RBSN: variants seen among roughly 807,000 people sequenced by gnomAD.
RBSN encodes rabenosyn, RAB effector.
In RBSN, 34 loss-of-function variants were observed where a neutral mutation model predicts 60.5. The ratio of observed to expected loss-of-function variants is 0.56; its 90% confidence interval spans 0.43 to 0.75. The LOEUF is 0.75. RBSN is among the 30% of genes least tolerant of loss of function. The pLI is 0.00. For missense variants in RBSN, 845 were observed against 986.8 expected (o/e 0.86, Z 1.92); for synonymous variants, 322 against 366.9 (o/e 0.88, Z 1.40).
intron 13 of RBSN, 176 bp from the exon 14 acceptor site, chr3:15,075,106 G>A: frequency 1.4e-6 from 1 of 736,424 alleles, no homozygotes; most frequent in African/African-American, 1.8e-5. Flanking sequence ...TATGTGGGCG[G>A]AAGGGAGACC....
At position 15,075,588 on chromosome 3, in the gene RBSN, A is replaced by G. The variant is rs1164481982; in HGVS notation, c.1206+18T>C. ...AGCCACAGGAGGAAGCAGGCCCCAT[A>G]TCCCTGGCTTCACTCACTTGTCTCT... On this transcript the variant is annotated intron_variant, in intron 13 of 13. Transcript: ENST00000253699. 2 of 1,605,308 alleles carry G rather than the reference A, an allele frequency of 1.2e-6. No homozygotes were observed.
intron 5 of RBSN, among the ~76,000 whole-genome samples, chr3:15,086,821 G>A (rs2043355526): frequency 6.6e-6 from 1 of 152,170 alleles, no homozygotes; most frequent in South Asian, 2.1e-4. Flanking sequence ...ACCTTCCTCA[G>A]TCCAGCAGCC....
At chr3:15,078,276 G>T in intron 10 of RBSN, 115 bp from the exon 11 acceptor site, 1 of 792,724 alleles carries the variant, frequency 1.3e-6, no homozygotes. Context: ...CTCTAAAGGT[G>T]GCATTTCAGA....
In RBSN at chr3:15,085,849, A is replaced by G; in HGVS notation, c.390+12T>C. On this transcript the variant is annotated intron_variant, in intron 6 of 13. Transcript: ENST00000253699. ...TTTGTAGAAAAAAATGTTTTAAGAC[A>G]ACAAAATTTACCTTCTCTAACCTGA... 1 of 1,605,546 alleles carries G rather than the reference A, an allele frequency of 6.2e-7. No individual in the cohort carries two copies. Among genetic ancestry groups the G allele is most frequent in the South Asian group, 1.1e-5 (1 of 90,222 alleles).
At chr3:15,090,310 A>T (rs1193856964) in intron 5 of RBSN, 89 bp downstream of exon 5, 1 of 1,424,438 alleles carries the variant, frequency 7.0e-7, no homozygotes, top group Non-Finnish European at 9.6e-7. Context: ...TGGTTTACTG[A>T]TGCCTCCTCA....
Position 15,071,195 on chromosome 3 carries a change from T to C in RBSN, c.*2587A>G, listed in dbSNP as rs1212051454. The C allele has an allele frequency of 6.6e-6, 1 of 152,254 alleles. No homozygotes were observed. The highest frequency in any genetic ancestry group is 1.5e-5 in the Non-Finnish European group (1 of 68,042). 9.4% of individuals were successfully genotyped at this position (152,254 alleles called of 1,614,324 possible). ...ATGCTTTTAGTTACTTACAGATTGC[T>C]ACCTGAGGTGATTTGAGGGAAGGGT... On this transcript the variant is annotated 3_prime_UTR_variant, in exon 14 of 14. Coordinates refer to ENST00000253699, the MANE Select transcript of RBSN (RefSeq NM_022340.4).
chr3:15,075,651 C>G lies in RBSN; in HGVS notation c.1161G>C (p.Lys387Asn), dbSNP rs2043035161. 3 of 1,614,174 alleles carry G rather than the reference C, an allele frequency of 1.9e-6. No homozygotes were observed. In the East Asian group the frequency reaches 6.7e-5, roughly 36 times the overall value. Residue 387 changes from lysine to asparagine, a missense_variant, in exon 13 of 14, where the codon AAG becomes AAC. Coordinates refer to ENST00000253699, the MANE Select transcript of RBSN (RefSeq NM_022340.4). ...TCCTCTCCATTTCCTCCTTCCTTTT[C>G]TTTTTCAGTTCCTCAAACTGTTCTT... The part of the protein sequence containing the change: ...PTKEQFEELK[K>N]KRKEEMERKR...
chr3:15,096,932 T>C (rs947157812), intron 2 of RBSN, among the ~76,000 whole-genome samples: 3 of 152,172 alleles, frequency 2.0e-5, no homozygotes, highest in Admixed American at 2.0e-4. Flanking sequence ...CTATAATTGC[T>C]CACAACAGCC....
Position 15,077,266 on chromosome 3 carries a change from G to A in RBSN, c.999-102C>T. On this transcript the variant is annotated intron_variant, in intron 11 of 13. Coordinates refer to ENST00000253699, the MANE Select transcript of RBSN (RefSeq NM_022340.4). The surrounding 1 kb of genome is among the most constrained non-coding windows in gnomAD (Gnocchi z 4.4). ...GTTGCCAGGCTTTCATGCCAGGAAG[G>A]TGTGTAAAGATGGACAAGTGACTCC... is the stretch of plus-strand genomic sequence containing the variant. 1.0e-6 allele frequency: 1 copy of A among 1,000,286 alleles called. No homozygotes were observed. 62.0% of individuals were successfully genotyped at this position (1,000,286 alleles called of 1,614,324 possible). A position where few individuals can be genotyped will look rare whatever the true frequency, so the allele number is the denominator to read the frequency against.
intron 12 of RBSN, among the ~76,000 whole-genome samples, chr3:15,076,191 A>G (rs182659251): frequency 3.1e-4 from 47 of 152,320 alleles, no homozygotes; most frequent in Non-Finnish European, 6.5e-4. Context: ...ACTACCTGGT[A>G]CATAGGAGGC....
Position 15,084,896 on chromosome 3 carries a change from G to A in RBSN, c.437C>T (p.Ala146Val). The A allele has an allele frequency of 6.2e-7, 1 of 1,613,434 alleles. No individual in the cohort carries two copies. The highest frequency in any genetic ancestry group is 8.5e-7 in the Non-Finnish European group (1 of 1,179,586). ...RTNTESAKIR[A>V]IEKSVVPWVN... ...CCAAGGCACCACAGACTTTTCTATT[G>A]CTTTGGGAAGAGCAAACCAACAAGA... Residue 146 changes from alanine to valine, a missense_variant and splice_region_variant, in exon 8 of 14, where the codon GCA (alanine) becomes GTA (valine). Coordinates refer to ENST00000253699, the MANE Select transcript of RBSN (RefSeq NM_022340.4). This position sits in a 1 kb window ranked among gnomAD's most constrained non-coding sequence, Gnocchi z 4.2.
At chr3:15,089,198 G>C (rs2043428533) in intron 5 of RBSN, among the ~76,000 whole-genome samples, 1 of 152,052 alleles carries the variant, frequency 6.6e-6, no homozygotes, top group African/African-American at 2.4e-5. Context: ...AGGCGTAGTG[G>C]CTCACACCTG....
intron 5 of RBSN, among the ~76,000 whole-genome samples, chr3:15,087,454 G>A (rs766789950): frequency 3.1e-4 from 47 of 152,196 alleles, no homozygotes; most frequent in Non-Finnish European, 1.6e-4. Context: ...AGGTTGCAGT[G>A]AGCCAAGATC....
At position 15,070,699 on chromosome 3, in the gene RBSN, G is replaced by A. The variant is rs551823823; in HGVS notation, c.*3083C>T. 2 of 152,780 alleles carry A rather than the reference G, an allele frequency of 1.3e-5. No individual in the cohort carries two copies. The highest frequency in any genetic ancestry group is 4.1e-4 in the South Asian group (2 of 4,832). The allele number at this position is 152,780 out of a possible 1,614,324, so 9.5% of individuals were successfully genotyped here. On this transcript the variant is annotated 3_prime_UTR_variant, in exon 14 of 14. Transcript: ENST00000253699. ...GGTAGAGAATTCTAACTCCTGTGAT[G>A]TATTTACAGGAGAAGATAATCGTGG...
chr3:15,076,138 G>C (rs769559529), intron 12 of RBSN, among the ~76,000 whole-genome samples: 1 of 151,952 alleles, frequency 6.6e-6, no homozygotes, highest in Non-Finnish European at 1.5e-5. Context: ...GAACAGGAAC[G>C]TTGGTCTTTT....
intron 5 of RBSN, 72 bp from the exon 6 acceptor site, chr3:15,086,033 C>T: frequency 4.3e-6 from 5 of 1,161,050 alleles, no homozygotes; most frequent in Non-Finnish European, 3.7e-6. Flanking sequence ...TACCTTGCCT[C>T]TTATCCCAGT....
At chr3:15,089,767 C>A (rs1027100157) in intron 5 of RBSN, among the ~76,000 whole-genome samples, 1 of 152,000 alleles carries the variant, frequency 6.6e-6, no homozygotes, top group Admixed American at 6.6e-5. Flanking sequence ...CCCGCCACCA[C>A]GCCCGGCTAA....
At position 15,077,236 on chromosome 3, in the gene RBSN, C is replaced by T. The variant is rs747256391; in HGVS notation, c.999-72G>A. 20 of 1,313,964 alleles carry T rather than the reference C, an allele frequency of 1.5e-5. No individual in the cohort carries two copies. In the African/African-American group the frequency reaches 2.5e-4, roughly 16 times the overall value. 81.4% of individuals were successfully genotyped at this position (1,313,964 alleles called of 1,614,324 possible). On this transcript the variant is annotated intron_variant, in intron 11 of 13. Coordinates refer to ENST00000253699, the MANE Select transcript of RBSN (RefSeq NM_022340.4). The surrounding 1 kb of genome is among the most constrained non-coding windows in gnomAD (Gnocchi z 4.4). ...GAAACAAGGGTGAAAAGTATAACATCTGGAGTTGCCAGGCTTTCATGCCAG... is the reference window on the plus strand; with the variant it reads ...GAAACAAGGGTGAAAAGTATAACATTTGGAGTTGCCAGGCTTTCATGCCAG...
Position 15,074,331 on chromosome 3 carries a change from C to T in RBSN, c.1806G>A (p.Gly602=). ...AGCGCTCCTGGCCAACGGCTGGGGGCCCAGACCACACTCTGGTGGGTTGAG... is the reference window on the plus strand; with the variant it reads ...AGCGCTCCTGGCCAACGGCTGGGGGTCCAGACCACACTCTGGTGGGTTGAG... ...SSTQPTRVWS[G]PPAVGQERLP... Residue 602 remains glycine (G), a synonymous_variant, in exon 14 of 14, where the codon GGG becomes GGA. Coordinates refer to ENST00000253699, the MANE Select transcript of RBSN (RefSeq NM_022340.4). This position sits in a 1 kb window ranked among gnomAD's most constrained non-coding sequence, Gnocchi z 6.4. 4 of 1,614,016 alleles carry T rather than the reference C, an allele frequency of 2.5e-6. No homozygotes were observed. Among genetic ancestry groups the T allele is most frequent in the East Asian group, 2.2e-5 (1 of 44,860 alleles).
Sources: allele counts gnomAD v4.1 joint callset (sites outside exome capture counted in the v4.1 genomes callset), GRCh38; gene constraint gnomAD v4.1.1; non-coding constraint Gnocchi (gnomAD v3.1); transcripts MANE v1.5; gene names NCBI Gene and HGNC (gene_info 2026-07-23, HGNC 2026-07-21).